ANTXR1: variants seen among roughly 807,000 people sequenced by gnomAD.
ANTXR1 encodes the protein ANTXR cell adhesion molecule 1, also known as anthrax toxin receptor 1.
In ANTXR1, 19 loss-of-function variants were observed where a neutral mutation model predicts 78.1. The observed-to-expected ratio is 0.24, with a 90% CI of 0.17 to 0.36. ANTXR1 has a LOEUF of 0.36. Among genes scored for constraint, ANTXR1 ranks in the 10% least tolerant of loss-of-function variants. ANTXR1 has a pLI of 1.00. For synonymous variants in ANTXR1, 273 were observed against 260.5 expected (o/e 1.05, Z -0.46); for missense variants, 518 against 718.6 (o/e 0.72, Z 3.19).
chr2:69,201,387 TGGGA>T (rs1294536210), intron 17 of ANTXR1, among the ~76,000 whole-genome samples: 1 of 151,276 alleles, frequency 6.6e-6, no homozygotes, highest in Non-Finnish European at 1.5e-5. Context: ...GAGGACAGAG[TGGGA>T]GGCACTGAGA....
At position 69,141,520 on chromosome 2, in the gene ANTXR1, G is replaced by A. The variant is rs541587341; in HGVS notation, c.952-10649G>A. 2.6e-4 allele frequency among the ~76,000 whole-genome samples: 40 copies of A among 152,314 alleles called. 1 individual carries two copies. In the South Asian group the frequency reaches 6.6e-3, roughly 25 times the overall value. ...CAAGTCAACAAGCAGTACCTGGTGT[G>A]CAGGAGCACTCGTGAGTGAGTCTGT... On this transcript the variant is annotated intron_variant, in intron 12 of 17. Coordinates refer to ENST00000303714, the MANE Select transcript of ANTXR1 (RefSeq NM_032208.3).
At chr2:69,119,565 A>G (rs922124910) in intron 10 of ANTXR1, among the ~76,000 whole-genome samples, 2 of 152,186 alleles carry the variant, frequency 1.3e-5, no homozygotes, top group African/African-American at 4.8e-5. Flanking sequence ...TGCAGAGTTC[A>G]TTTCTAGTCT....
chr2:69,227,551 T>C (rs950210767), intron 17 of ANTXR1, among the ~76,000 whole-genome samples: 1 of 152,206 alleles, frequency 6.6e-6, no homozygotes, highest in Admixed American at 6.5e-5. Flanking sequence ...TCAGCTGACC[T>C]ACCAAAAGCC....
At chr2:69,124,526 C>A in intron 11 of ANTXR1, 39 bp from the exon 12 acceptor site, 1 of 1,591,576 alleles carries the variant, frequency 6.3e-7, no homozygotes, top group Non-Finnish European at 8.6e-7. Flanking sequence ...GCTCATTGCA[C>A]GCCCTGCTGA....
chr2:69,156,667 G>T (rs1039380590), intron 13 of ANTXR1, among the ~76,000 whole-genome samples: 1 of 152,220 alleles, frequency 6.6e-6, no homozygotes, highest in African/African-American at 2.4e-5. Flanking sequence ...GGTGGGAGCA[G>T]GAGGAAGAGA....
chr2:69,060,873 T>A (rs929389737), intron 3 of ANTXR1, among the ~76,000 whole-genome samples: 1 of 152,158 alleles, frequency 6.6e-6, no homozygotes, highest in East Asian at 1.9e-4. Context: ...TAAGATGTTT[T>A]CCCCTTTCTT....
chr2:69,188,034 CAAAAAAAAAAAAAA>C (rs34500820), intron 16 of ANTXR1, among the ~76,000 whole-genome samples: 7 of 90,782 alleles, frequency 7.7e-5, no homozygotes, highest in Admixed American at 1.1e-4. Context: ...TGCTGCCTGG[CAAAAAAAAAAAAAA>C]AAAAAAAAAA....
intron 16 of ANTXR1, among the ~76,000 whole-genome samples, chr2:69,189,880 G>C (rs78721550): frequency 0.042 from 6,420 of 152,254 alleles, 323 homozygotes; most frequent in East Asian, 0.15. Flanking sequence ...CTTTTTGATA[G>C]CTGTGATGTG....
chr2:69,161,699 T>G (rs1005633330), intron 13 of ANTXR1, among the ~76,000 whole-genome samples: 2 of 152,224 alleles, frequency 1.3e-5, no homozygotes, highest in African/African-American at 4.8e-5. Flanking sequence ...CTTACAAGGT[T>G]TGGGAGCCAG....
At chr2:69,169,100 G>C (rs1673906537) in intron 13 of ANTXR1, among the ~76,000 whole-genome samples, 1 of 152,258 alleles carries the variant, frequency 6.6e-6, no homozygotes, top group African/African-American at 2.4e-5. Flanking sequence ...GACATGTGCT[G>C]AGTAGGGAGA....
At chr2:69,041,175 A>C (rs1229571619) in intron 2 of ANTXR1, among the ~76,000 whole-genome samples, 2 of 152,200 alleles carry the variant, frequency 1.3e-5, no homozygotes, top group Non-Finnish European at 2.9e-5. Context: ...GGAGAGAAAC[A>C]AATACATGGG....
At chr2:69,052,341 C>G (rs900856224) in intron 3 of ANTXR1, among the ~76,000 whole-genome samples, 2 of 151,886 alleles carry the variant, frequency 1.3e-5, no homozygotes, top group Non-Finnish European at 2.9e-5. Flanking sequence ...TTATAAGTCA[C>G]CATTTATATG....
chr2:69,174,934 C>G (rs1318980405), intron 14 of ANTXR1, among the ~76,000 whole-genome samples: 2 of 152,218 alleles, frequency 1.3e-5, no homozygotes, highest in East Asian at 1.9e-4. Context: ...ATTAAAATAC[C>G]AGTGGCCCCA....
intron 14 of ANTXR1, among the ~76,000 whole-genome samples, chr2:69,173,330 C>A (rs1674040108): frequency 6.6e-6 from 1 of 152,184 alleles, no homozygotes; most frequent in South Asian, 2.1e-4. Context: ...CACCATCTGC[C>A]CCCAGTGCTT....
At chr2:69,122,442 C>G (rs552508863) in intron 10 of ANTXR1, among the ~76,000 whole-genome samples, 4 of 152,124 alleles carry the variant, frequency 2.6e-5, no homozygotes, top group Non-Finnish European at 5.9e-5. Flanking sequence ...TCTTGTTTCC[C>G]CTCAGTGATT....
intron 9 of ANTXR1, among the ~76,000 whole-genome samples, chr2:69,098,732 T>A (rs1484723807): frequency 2.0e-5 from 3 of 152,228 alleles, no homozygotes; most frequent in Non-Finnish European, 4.4e-5. Flanking sequence ...ACACCTGTAA[T>A]CCCAGCATTT....
rs569549412 is a variant in ANTXR1, at chr2:69,145,859, C to T, written c.952-6310C>T. ...CCCTGGCAAGATATTTCACTCCCGC[C>T]CCATGCCATGCATTAAAAATCCAAA... On this transcript the variant is annotated intron_variant, in intron 12 of 17. Transcript: ENST00000303714. 4.2e-5 allele frequency: 41 copies of T among 986,436 alleles called. No homozygotes were observed. In the African/African-American group the frequency reaches 7.0e-4, roughly 17 times the overall value. The allele number at this position is 986,436 out of a possible 1,614,324, so 61.1% of individuals were successfully genotyped here. A position where few individuals can be genotyped will look rare whatever the true frequency, so the allele number is the denominator to read the frequency against.
chr2:69,079,344 T>C (rs12999556), intron 8 of ANTXR1, among the ~76,000 whole-genome samples: 73,610 of 151,874 alleles, frequency 0.48, 18,141 homozygotes, highest in Middle Eastern at 0.58. Context: ...GGGCCGATCA[T>C]GGATCCTTAA....
intron 9 of ANTXR1, among the ~76,000 whole-genome samples, chr2:69,094,197 A>G (rs1558538423): frequency 6.6e-6 from 1 of 152,226 alleles, no homozygotes. Context: ...TCAAAGATAT[A>G]AGTATTTACG....
Sources: allele counts gnomAD v4.1 joint callset (sites outside exome capture counted in the v4.1 genomes callset), GRCh38; gene constraint gnomAD v4.1.1; transcripts MANE v1.5; gene names NCBI Gene and HGNC (gene_info 2026-07-23, HGNC 2026-07-21).